RALGAPA2: variants seen among roughly 807,000 people sequenced by gnomAD.
RALGAPA2 encodes Ral GTPase activating protein catalytic subunit alpha 2.
Under a neutral mutation model 230.4 loss-of-function variants are expected in RALGAPA2, and 139 were observed. The observed-to-expected ratio is 0.60, with a 90% CI of 0.53 to 0.69. The LOEUF (loss-of-function observed/expected upper bound fraction) is 0.69, where lower values mean the gene tolerates loss of function less well. RALGAPA2 is among the 30% of genes least tolerant of loss of function. The pLI is 0.00. For synonymous variants in RALGAPA2, 847 were observed against 837.8 expected (o/e 1.01, Z -0.19); for missense variants, 2,163 against 2,276.0 (o/e 0.95, Z 1.01).
chr20:20,538,630 T>C (rs1297199411), intron 24 of RALGAPA2, among the ~76,000 whole-genome samples: 1 of 152,240 alleles, frequency 6.6e-6, no homozygotes, highest in African/African-American at 2.4e-5. Context: ...GCTTTCTTCC[T>C]TCCCTTTCCC....
chr20:20,696,238 C>T (rs1387321365), intron 1 of RALGAPA2, among the ~76,000 whole-genome samples: 4 of 152,148 alleles, frequency 2.6e-5, no homozygotes, highest in African/African-American at 9.6e-5. Flanking sequence ...TTGCTTGCTA[C>T]AGATTCCACA....
At chr20:20,526,502 T>C (rs1217575696) in intron 27 of RALGAPA2, 140 bp from the exon 28 acceptor site, 4 of 590,192 alleles carry the variant, frequency 6.8e-6, no homozygotes, top group African/African-American at 5.7e-5. Flanking sequence ...AAATATGTCC[T>C]ATTACCACAG....
chr20:20,678,134 T>C (rs773464131), intron 2 of RALGAPA2, among the ~76,000 whole-genome samples: 6 of 152,198 alleles, frequency 3.9e-5, no homozygotes, highest in Non-Finnish European at 7.3e-5. Context: ...ATTTTGAAGA[T>C]AGAGCCAATA....
Position 20,499,028 on chromosome 20 carries a change from A to G in RALGAPA2, c.5209-3753T>C, listed in dbSNP as rs138185039. On this transcript the variant is annotated intron_variant, in intron 35 of 39. Coordinates refer to ENST00000202677, the MANE Select transcript of RALGAPA2 (RefSeq NM_020343.4). ...GCAGAATTGAAAAAGTCCCCCCATGATGGGGGCAGAAGAGAGCATGAATCA... is the reference window on the plus strand; with the variant it reads ...GCAGAATTGAAAAAGTCCCCCCATGGTGGGGGCAGAAGAGAGCATGAATCA... Among the ~76,000 whole-genome samples, 357 of 152,328 alleles carry G rather than the reference A, an allele frequency of 2.3e-3. 2 individuals carry two copies. The highest frequency in any genetic ancestry group is 8.1e-3 in the African/African-American group (336 of 41,570).
At chr20:20,695,720 A>T (rs772754439) in intron 1 of RALGAPA2, among the ~76,000 whole-genome samples, 11 of 152,212 alleles carry the variant, frequency 7.2e-5, no homozygotes, top group Non-Finnish European at 1.5e-4. Context: ...CATAAGGTTC[A>T]GTTAGCAACA....
At chr20:20,687,276 A>T (rs1002318668) in intron 1 of RALGAPA2, among the ~76,000 whole-genome samples, 2 of 152,260 alleles carry the variant, frequency 1.3e-5, no homozygotes. Context: ...AATGCAGACA[A>T]GGATGGATAT....
intron 1 of RALGAPA2, among the ~76,000 whole-genome samples, chr20:20,697,511 T>C (rs1034188112): frequency 1.3e-5 from 2 of 152,096 alleles, no homozygotes; most frequent in African/African-American, 4.8e-5. Flanking sequence ...GCAGTTCTGT[T>C]GTGGGAGGTA....
intron 23 of RALGAPA2, among the ~76,000 whole-genome samples, chr20:20,547,803 A>T (rs565080604): frequency 9.2e-5 from 14 of 152,350 alleles, no homozygotes; most frequent in African/African-American, 3.4e-4. Flanking sequence ...TAGGCAATCT[A>T]TGATCATCTT....
chr20:20,470,272 G>A (rs1043806242), intron 37 of RALGAPA2, among the ~76,000 whole-genome samples: 5 of 152,052 alleles, frequency 3.3e-5, no homozygotes, highest in Non-Finnish European at 7.4e-5. Flanking sequence ...TAAACATAGC[G>A]AACAAAATTA....
chr20:20,620,417 T>C, intron 11 of RALGAPA2, 46 bp downstream of exon 11: 3 of 1,584,644 alleles, frequency 1.9e-6, no homozygotes, highest in Non-Finnish European at 2.6e-6. Context: ...TATACTTTAC[T>C]AAAATATATT....
chr20:20,680,646 A>C, intron 2 of RALGAPA2, 45 bp downstream of exon 2: 1 of 1,492,866 alleles, frequency 6.7e-7, no homozygotes. Flanking sequence ...ACAACTTATA[A>C]AAATGCCCGA....
At chr20:20,521,187 C>CT in intron 30 of RALGAPA2, 87 bp from the exon 31 acceptor site, 1 of 1,132,564 alleles carries the variant, frequency 8.8e-7, no homozygotes, top group South Asian at 1.8e-5. Flanking sequence ...CACTTGGCAG[C>CT]TAGGACTCCT....
At chr20:20,581,829 TAA>T (rs1003027253) in intron 20 of RALGAPA2, among the ~76,000 whole-genome samples, 1 of 148,562 alleles carries the variant, frequency 6.7e-6, no homozygotes, top group African/African-American at 2.5e-5. Flanking sequence ...TTGCTTGGTT[TAA>T]AAAAAAAAAT....
At position 20,522,275 on chromosome 20, in the gene RALGAPA2, A is replaced by G. The variant is rs1424580281; in HGVS notation, c.3901-1175T>C. On this transcript the variant is annotated intron_variant, in intron 30 of 39. Transcript: ENST00000202677. The stretch of plus-strand genomic sequence containing the variant: ...CAAAAAAAAAAAAAAAACCTTGAAT[A>G]TTCACATTTTATTGGTCCAAAACTC... Among the ~76,000 whole-genome samples the G allele has an allele frequency of 2.6e-5, 4 of 152,018 alleles. No homozygotes were observed. The South Asian group carries it at 6.2e-4, about 24-fold the overall frequency.
chr20:20,546,033 G>A (rs1033920781), intron 24 of RALGAPA2, among the ~76,000 whole-genome samples: 2 of 152,218 alleles, frequency 1.3e-5, no homozygotes, highest in Non-Finnish European at 2.9e-5. Flanking sequence ...CAGCACCAGT[G>A]CGCTTCAGCC....
chr20:20,591,447 ATT>A (rs1298212024), intron 16 of RALGAPA2, 133 bp from the exon 17 acceptor site: 1 of 1,101,564 alleles, frequency 9.1e-7, no homozygotes. Context: ...GATAATCTGC[ATT>A]TAAATGATCA....
chr20:20,572,446 CAA>C (rs397964870), intron 21 of RALGAPA2, among the ~76,000 whole-genome samples: 3 of 101,706 alleles, frequency 2.9e-5, no homozygotes, highest in Non-Finnish European at 4.2e-5. Context: ...GACTCCATTT[CAA>C]AAAAAAAAAA....
intron 37 of RALGAPA2, among the ~76,000 whole-genome samples, chr20:20,454,012 A>G (rs6046867): frequency 0.039 from 5,904 of 152,264 alleles, 186 homozygotes; most frequent in East Asian, 0.16. Flanking sequence ...TTGCACCTCT[A>G]TATCGTAGGG....
intron 28 of RALGAPA2, 57 bp from the exon 29 acceptor site, chr20:20,524,955 C>T (rs1410913263): frequency 6.7e-7 from 1 of 1,488,310 alleles, no homozygotes; most frequent in Non-Finnish European, 9.1e-7. Context: ...CTTTGTAAGC[C>T]TATGTTAGGA....
Sources: allele counts gnomAD v4.1 joint callset (sites outside exome capture counted in the v4.1 genomes callset), GRCh38; gene constraint gnomAD v4.1.1; transcripts MANE v1.5; gene names NCBI Gene and HGNC (gene_info 2026-07-23, HGNC 2026-07-21).